TMEM178B: variants seen among roughly 807,000 people sequenced by gnomAD.
TMEM178B encodes transmembrane protein 178B.
A neutral mutation model predicts 31.0 loss-of-function variants in TMEM178B; 5 were observed. The observed-to-expected ratio is 0.16, with a 90% CI of 0.08 to 0.34. The LOEUF is 0.34. Ranked by LOEUF, TMEM178B falls within the 10% of genes least tolerant of loss-of-function variation. The probability of loss-of-function intolerance (pLI) is 1.00; values close to 1 mark genes in which losing one functional copy is unlikely to be tolerated. For synonymous variants in TMEM178B, 164 were observed against 164.0 expected (o/e 1.00, Z 0.00); for missense variants, 275 against 400.3 (o/e 0.69, Z 2.67).
intron 2 of TMEM178B, among the ~76,000 whole-genome samples, chr7:141,221,798 A>G (rs1225339343): frequency 2.0e-5 from 3 of 152,224 alleles, no homozygotes; most frequent in African/African-American, 4.8e-5. Context: ...AGAGCAAGTA[A>G]CCAAGTTCAT....
intron 2 of TMEM178B, among the ~76,000 whole-genome samples, chr7:141,254,971 G>A (rs756986451): frequency 6.6e-6 from 1 of 152,108 alleles, no homozygotes; most frequent in African/African-American, 2.4e-5. Context: ...TATCTCCCTT[G>A]AGTGTTTCGA....
At chr7:141,145,494 C>T (rs970901295) in intron 1 of TMEM178B, among the ~76,000 whole-genome samples, 3 of 152,160 alleles carry the variant, frequency 2.0e-5, no homozygotes, top group Non-Finnish European at 4.4e-5. Flanking sequence ...AGAAAGATGG[C>T]CTTTGTTTAT....
At chr7:141,304,000 A>G (rs1368741020) in intron 2 of TMEM178B, among the ~76,000 whole-genome samples, 1 of 152,232 alleles carries the variant, frequency 6.6e-6, no homozygotes, top group East Asian at 1.9e-4. Flanking sequence ...AGCAAATAGT[A>G]GAAACCAGAT....
At chr7:141,094,836 G>A (rs1160796901) in intron 1 of TMEM178B, among the ~76,000 whole-genome samples, 1 of 152,112 alleles carries the variant, frequency 6.6e-6, no homozygotes, top group Non-Finnish European at 1.5e-5. Context: ...TTCTTGCCTT[G>A]TCATCCTAAA....
chr7:141,121,049 T>C (rs754126019), intron 1 of TMEM178B, among the ~76,000 whole-genome samples: 13 of 152,002 alleles, frequency 8.6e-5, no homozygotes, highest in Non-Finnish European at 1.6e-4. Flanking sequence ...CTTTCTAGCA[T>C]ACTTGATTGG....
At chr7:141,135,743 G>A (rs1378620809) in intron 1 of TMEM178B, among the ~76,000 whole-genome samples, 1 of 152,048 alleles carries the variant, frequency 6.6e-6, no homozygotes, top group East Asian at 1.9e-4. Flanking sequence ...AGTTCTAAGA[G>A]GGAAGCTTAT....
At chr7:141,308,698 C>T (rs1429242049) in intron 2 of TMEM178B, among the ~76,000 whole-genome samples, 1 of 152,170 alleles carries the variant, frequency 6.6e-6, no homozygotes, top group South Asian at 2.1e-4. Flanking sequence ...CCCCAAAGAA[C>T]ACAGCATGAA....
At chr7:141,183,119 TA>T (rs1363435914) in intron 1 of TMEM178B, among the ~76,000 whole-genome samples, 1 of 152,220 alleles carries the variant, frequency 6.6e-6, no homozygotes, top group South Asian at 2.1e-4. Context: ...TTCCTGATTA[TA>T]AAAACAATGT....
At chr7:141,460,517 A>G (rs1395796766) in intron 3 of TMEM178B, among the ~76,000 whole-genome samples, 2 of 152,222 alleles carry the variant, frequency 1.3e-5, no homozygotes, top group Non-Finnish European at 2.9e-5. Context: ...CTGTGTTTCC[A>G]TGGCCATCCG....
chr7:141,228,270 T>C (rs1464412443), intron 2 of TMEM178B, among the ~76,000 whole-genome samples: 1 of 152,218 alleles, frequency 6.6e-6, no homozygotes, highest in East Asian at 1.9e-4. Flanking sequence ...TGCTTTTTTT[T>C]CCTTTTCTAA....
At chr7:141,179,636 A>C (rs919485929) in intron 1 of TMEM178B, among the ~76,000 whole-genome samples, 42 of 152,218 alleles carry the variant, frequency 2.8e-4, no homozygotes, top group African/African-American at 1.0e-3. Flanking sequence ...TTACAAGAGA[A>C]AGGGCTGCAG....
intron 1 of TMEM178B, among the ~76,000 whole-genome samples, chr7:141,086,990 A>G (rs1794799301): frequency 6.6e-6 from 1 of 152,144 alleles, no homozygotes; most frequent in Non-Finnish European, 1.5e-5. Flanking sequence ...ATCTGGCCTG[A>G]TATTTTGTTT....
At chr7:141,305,490 C>A (rs188333694) in intron 2 of TMEM178B, among the ~76,000 whole-genome samples, 1 of 151,626 alleles carries the variant, frequency 6.6e-6, no homozygotes, top group African/African-American at 2.4e-5. Flanking sequence ...TGCAGTGGTG[C>A]GATCTCGGCT....
At chr7:141,170,615 T>C (rs1012305634) in intron 1 of TMEM178B, among the ~76,000 whole-genome samples, 2 of 152,158 alleles carry the variant, frequency 1.3e-5, no homozygotes, top group East Asian at 1.9e-4. Flanking sequence ...GCCTCTCAAA[T>C]TCCCCCCCAT....
At chr7:141,202,706 A>G (rs1796897752) in intron 1 of TMEM178B, among the ~76,000 whole-genome samples, 1 of 152,216 alleles carries the variant, frequency 6.6e-6, no homozygotes, top group Admixed American at 6.5e-5. Context: ...AACATCTGGG[A>G]GGAGCAGAAG....
intron 2 of TMEM178B, among the ~76,000 whole-genome samples, chr7:141,275,080 T>C (rs1201552316): frequency 6.6e-6 from 1 of 152,244 alleles, no homozygotes; most frequent in East Asian, 1.9e-4. Context: ...TGTAAAGCTT[T>C]GGTTCTCTGG....
At chr7:141,247,189 A>G (rs557178652) in intron 2 of TMEM178B, among the ~76,000 whole-genome samples, 2 of 132,944 alleles carry the variant, frequency 1.5e-5, no homozygotes, top group Non-Finnish European at 3.1e-5. Flanking sequence ...ATCTCTCTAT[A>G]TATAGGTTTC....
At chr7:141,153,241 C>A (rs11972469) in intron 1 of TMEM178B, among the ~76,000 whole-genome samples, 8,076 of 152,124 alleles carry the variant, frequency 0.053, 741 homozygotes, top group African/African-American at 0.19. Flanking sequence ...TTATAGACTG[C>A]TTTCCCCCAT....
chr7:141,185,215 A>G (rs1262083139), intron 1 of TMEM178B, among the ~76,000 whole-genome samples: 4 of 152,242 alleles, frequency 2.6e-5, no homozygotes. Context: ...AGCCGTCCGT[A>G]GGTGGCTTGT....
Sources: gnomAD v4.1 joint callset for allele counts (sites outside exome capture counted in the v4.1 genomes callset) on GRCh38, gnomAD v4.1.1 for gene constraint, MANE v1.5 for transcripts, NCBI Gene and HGNC (gene_info 2026-07-23, HGNC 2026-07-21) for gene names.